The following CRMP1 variants were observed in gnomAD, a reference collection of about 807,000 sequenced individuals.
CRMP1 encodes collapsin response mediator protein 1, also known as dihydropyrimidinase-related protein 1.
Under a neutral mutation model 68.3 loss-of-function variants are expected in CRMP1, and 19 were observed. The observed-to-expected ratio is 0.28, with a 90% CI of 0.19 to 0.41. CRMP1 has a LOEUF of 0.41. Among genes scored for constraint, CRMP1 ranks in the 10% least tolerant of loss-of-function variants. The probability of loss-of-function intolerance (pLI) is 1.00; values close to 1 mark genes in which losing one functional copy is unlikely to be tolerated. For missense variants in CRMP1, 791 were observed against 967.4 expected (o/e 0.82, Z 2.42); for synonymous variants, 439 against 399.6 (o/e 1.10, Z -1.18).
intron 1 of CRMP1, chr4:5,887,270 GC>G: frequency 1.2e-6 from 1 of 843,312 alleles, no homozygotes; most frequent in South Asian, 5.4e-5. Flanking sequence ...CTGTCCAGGA[GC>G]CTGAATTTTG....
In CRMP1 at chr4:5,825,298, T is replaced by C. The variant is rs1268153181; in HGVS notation, c.1969+196A>G. ...GTACCACCATGTTGCCCCCCTAACA[T>C]GGACCCCCCTCTGCTTGGTGACCAT... is the stretch of plus-strand genomic sequence containing the variant. On this transcript the variant is annotated intron_variant, in intron 13 of 13. Transcript: ENST00000324989. The surrounding 1 kb of genome is among the most constrained non-coding windows in gnomAD (Gnocchi z 4.4). The C allele has an allele frequency of 3.0e-6, 3 of 985,228 alleles. No individual in the cohort carries two copies. Among genetic ancestry groups the C allele is most frequent in the South Asian group, 4.7e-5 (1 of 21,272 alleles). 61.0% of individuals were successfully genotyped at this position (985,228 alleles called of 1,614,324 possible).
At chr4:5,822,480 T>A (rs938718477) in intron 13 of CRMP1, among the ~76,000 whole-genome samples, 1 of 140,794 alleles carries the variant, frequency 7.1e-6, no homozygotes, top group South Asian at 2.4e-4. Context: ...TCATTGGCGA[T>A]AGGTGGATCT....
rs752995295 is a variant in CRMP1 at position 5,851,949 on chromosome 4, G to GA, written c.821-481_821-480insT. ...GGAAGAGGAGGAAGAGGAGGAGAAA[G>GA]GGAGAAGAAGGAGGAAGAGGAAGAG... On this transcript the variant is annotated intron_variant, in intron 4 of 13. Transcript: ENST00000324989. Among the ~76,000 whole-genome samples the GA allele has an allele frequency of 4.5e-3, 650 of 143,252 alleles. 5 individuals are homozygous for GA. The highest frequency in any genetic ancestry group is 0.024 in the South Asian group (103 of 4,228). The allele number at this position is 143,252 out of a possible 152,430, so 94.0% of individuals were successfully genotyped here. A position where few individuals can be genotyped will look rare whatever the true frequency, so the allele number is the denominator to read the frequency against.
chr4:5,867,479 A>G (rs1163661545), intron 1 of CRMP1, among the ~76,000 whole-genome samples: 1 of 152,234 alleles, frequency 6.6e-6, no homozygotes, highest in Non-Finnish European at 1.5e-5. Context: ...CTAAAAAAAG[A>G]AAACCCCATT....
chr4:5,837,650 T>TAATAA (rs376152936), intron 9 of CRMP1, among the ~76,000 whole-genome samples: 2,000 of 134,850 alleles, frequency 0.015, 28 homozygotes, highest in African/African-American at 0.022. Flanking sequence ...TAAAATAAAA[T>TAATAA]AATAAAATAA....
In CRMP1 at chr4:5,842,428, CAA is replaced by C. The variant is rs71171489; in HGVS notation, c.1032+663_1032+664del. ...TGGGCAACAGAGAGAGACTCCATCTCAAAAAAAAAAAAAAAAAAAGAAAAGAA... is the reference window on the plus strand; with the variant it reads ...TGGGCAACAGAGAGAGACTCCATCTCAAAAAAAAAAAAAAAAAGAAAAGAA... On this transcript the variant is annotated intron_variant, in intron 7 of 13. Transcript: ENST00000324989. The surrounding 1 kb of genome is among the most constrained non-coding windows in gnomAD (Gnocchi z 4.5). Among the ~76,000 whole-genome samples, 837 of 99,012 alleles carry C rather than the reference CAA, an allele frequency of 8.5e-3. 3 individuals carry two copies. Among genetic ancestry groups the C allele is most frequent in the African/African-American group, 0.026 (725 of 27,932 alleles). 65.0% of individuals were successfully genotyped at this position (99,012 alleles called of 152,430 possible).
At chr4:5,830,829 A>G (rs1233315712) in intron 11 of CRMP1, among the ~76,000 whole-genome samples, 5 of 152,200 alleles carry the variant, frequency 3.3e-5, no homozygotes, top group Non-Finnish European at 7.3e-5. Context: ...CTAGCTAAAC[A>G]ATTAAATTTT....
chr4:5,844,546 A>C (rs1011018812), intron 6 of CRMP1, among the ~76,000 whole-genome samples: 1 of 152,260 alleles, frequency 6.6e-6, no homozygotes, highest in African/African-American at 2.4e-5. Flanking sequence ...AAACACACAG[A>C]AGTCACAAGA....
chr4:5,892,987 C>T lies in CRMP1; in HGVS notation c.-18G>A, dbSNP rs1716021589. Reference sequence around the variant, plus strand: ...TCCGCCATACCCGTCCAAGGCCGGCCACCCACCGCGCTCCCGCCTGCCCGC... The same window carrying T: ...TCCGCCATACCCGTCCAAGGCCGGCTACCCACCGCGCTCCCGCCTGCCCGC... On this transcript the variant is annotated 5_prime_UTR_variant, in exon 1 of 14. Coordinates refer to ENST00000324989, the MANE Select transcript of CRMP1 (RefSeq NM_001014809.3). This position sits in a 1 kb window ranked among gnomAD's most constrained non-coding sequence, Gnocchi z 8.6. 2 of 1,170,314 alleles carry T rather than the reference C, an allele frequency of 1.7e-6. No homozygotes were observed. Among genetic ancestry groups the T allele is most frequent in the Non-Finnish European group, 2.1e-6 (2 of 948,634 alleles). The allele number at this position is 1,170,314 out of a possible 1,614,324, so 72.5% of individuals were successfully genotyped here.
chr4:5,887,461 A>T, intron 1 of CRMP1: 1 of 985,460 alleles, frequency 1.0e-6, no homozygotes, highest in Non-Finnish European at 1.2e-6. Flanking sequence ...ACTGGGGCGG[A>T]GGGCCAGCTC....
At chr4:5,829,386 C>CT (rs756446952) in intron 11 of CRMP1, among the ~76,000 whole-genome samples, 1 of 152,022 alleles carries the variant, frequency 6.6e-6, no homozygotes, top group Non-Finnish European at 1.5e-5. Context: ...GAGACTCTGT[C>CT]TCCAGAAAAA....
intron 2 of CRMP1, among the ~76,000 whole-genome samples, chr4:5,862,278 G>A (rs181217651): frequency 4.7e-4 from 69 of 147,808 alleles, no homozygotes; most frequent in African/African-American, 1.8e-3. Context: ...CTTACCCCCA[G>A]AATGTCCACT....
At chr4:5,848,026 G>A (rs752296668) in intron 6 of CRMP1, among the ~76,000 whole-genome samples, 34 of 151,952 alleles carry the variant, frequency 2.2e-4, no homozygotes, top group Non-Finnish European at 3.7e-4. Context: ...CACCCAATCC[G>A]TCCATGGGTC....
At position 5,821,486 on chromosome 4, in the gene CRMP1, A is replaced by G; in HGVS notation, c.*274T>C. On this transcript the variant is annotated 3_prime_UTR_variant, in exon 14 of 14. Coordinates refer to ENST00000324989, the MANE Select transcript of CRMP1 (RefSeq NM_001014809.3). The surrounding 1 kb of genome is among the most constrained non-coding windows in gnomAD (Gnocchi z 4.4). ...GAAGTGGAAGGGACAGAACAAGACAATGCTAAAACCTGTGGTTCACTAGGA... is the reference window on the plus strand; with the variant it reads ...GAAGTGGAAGGGACAGAACAAGACAGTGCTAAAACCTGTGGTTCACTAGGA... The G allele has an allele frequency of 2.0e-6, 1 of 503,810 alleles. No homozygotes were observed. Among genetic ancestry groups the G allele is most frequent in the Non-Finnish European group, 3.6e-6 (1 of 278,712 alleles). The allele number at this position is 503,810 out of a possible 1,614,324, so 31.2% of individuals were successfully genotyped here. A position where few individuals can be genotyped will look rare whatever the true frequency, so the allele number is the denominator to read the frequency against.
chr4:5,825,795 GCA>G lies in CRMP1; in HGVS notation c.1804-138_1804-137del, dbSNP rs1719479577. The stretch of plus-strand genomic sequence containing the variant: ...GTGCATGCACACACACACACAACAC[GCA>G]CACACGACAGGTGCACTTCACACAC... On this transcript the variant is annotated intron_variant, in intron 12 of 13. Coordinates refer to ENST00000324989, the MANE Select transcript of CRMP1 (RefSeq NM_001014809.3). This position sits in a 1 kb window ranked among gnomAD's most constrained non-coding sequence, Gnocchi z 4.4. The G allele has an allele frequency of 2.5e-6, 2 of 789,830 alleles. No homozygotes were observed. The highest frequency in any genetic ancestry group is 1.8e-5 in the African/African-American group (1 of 54,688). The allele number at this position is 789,830 out of a possible 1,614,324, so 48.9% of individuals were successfully genotyped here.
At position 5,843,040 on chromosome 4, in the gene CRMP1, G is replaced by T. The variant is rs79384752; in HGVS notation, c.1032+53C>A. On this transcript the variant is annotated intron_variant, in intron 7 of 13. Transcript: ENST00000324989. The surrounding 1 kb of genome is among the most constrained non-coding windows in gnomAD (Gnocchi z 4.1). Reference sequence around the variant, plus strand: ...CTACTCCAGCTGGAACAGCATCAAGGTGAGTGCTCAGTGGTGAGTGTCAGA... The same window carrying T: ...CTACTCCAGCTGGAACAGCATCAAGTTGAGTGCTCAGTGGTGAGTGTCAGA... 2 of 1,549,474 alleles carry T rather than the reference G, an allele frequency of 1.3e-6. No homozygotes were observed. The highest frequency in any genetic ancestry group is 1.8e-6 in the Non-Finnish European group (2 of 1,122,538).
At position 5,892,724 on chromosome 4, in the gene CRMP1, C is replaced by T; in HGVS notation, c.246G>A (p.Glu82=). ...GCTCGCTCACGTCGCTGGCCGTGTC[C>T]TCGCTGCCTCCCGGCCCTGGCAGCC... ...AVGLPGPGGS[E]DTASDVSEPS... The change falls in exon 1 of 14, where the codon GAG becomes GAA. Residue 82 remains glutamate (E), a synonymous_variant. Coordinates refer to ENST00000324989, the MANE Select transcript of CRMP1 (RefSeq NM_001014809.3). This position sits in a 1 kb window ranked among gnomAD's most constrained non-coding sequence, Gnocchi z 8.6. The T allele has an allele frequency of 8.1e-7, 1 of 1,229,738 alleles. No homozygotes were observed. The allele number at this position is 1,229,738 out of a possible 1,614,324, so 76.2% of individuals were successfully genotyped here. A position where few individuals can be genotyped will look rare whatever the true frequency, so the allele number is the denominator to read the frequency against.
chr4:5,874,928 C>T lies in CRMP1; in HGVS notation c.382-8172G>A, dbSNP rs182381857. On this transcript the variant is annotated intron_variant, in intron 1 of 13. Coordinates refer to ENST00000324989, the MANE Select transcript of CRMP1 (RefSeq NM_001014809.3). ...CAGATGCTGCAGGAAGGCGTCCTCG[C>T]GAAGACTCTACCAAAACCCTGCTGG... 3.9e-5 allele frequency among the ~76,000 whole-genome samples: 6 copies of T among 152,272 alleles called. No homozygotes were observed. The East Asian group carries it at 5.8e-4, about 15-fold the overall frequency.
chr4:5,846,737 C>T lies in CRMP1; in HGVS notation c.963+2655G>A, dbSNP rs59469804. 1.6e-3 allele frequency among the ~76,000 whole-genome samples: 236 copies of T among 147,336 alleles called. 1 individual carries two copies. The highest frequency in any genetic ancestry group is 5.6e-3 in the African/African-American group (222 of 39,998). On this transcript the variant is annotated intron_variant, in intron 6 of 13. Coordinates refer to ENST00000324989, the MANE Select transcript of CRMP1 (RefSeq NM_001014809.3). ...TCCCAAGTAGCTAGGATTACAGGCA[C>T]CCGCCACCATGCCCGGCTAATTTTT...
Sources: gnomAD v4.1 joint callset for allele counts (sites outside exome capture counted in the v4.1 genomes callset) on GRCh38, gnomAD v4.1.1 for gene constraint, Gnocchi (gnomAD v3.1) non-coding constraint, MANE v1.5 for transcripts, NCBI Gene and HGNC (gene_info 2026-07-23, HGNC 2026-07-21) for gene names.